The following SDCCAG8 variants were observed in gnomAD, a reference collection of about 807,000 sequenced individuals.
SDCCAG8 encodes the protein SHH signaling and ciliogenesis regulator SDCCAG8, also known as serologically defined colon cancer antigen 8.
In SDCCAG8, 74 loss-of-function variants were observed where a neutral mutation model predicts 101.8. That is an observed-to-expected ratio of 0.73 (90% CI 0.60 to 0.88). The LOEUF (loss-of-function observed/expected upper bound fraction) is 0.88, where lower values mean the gene tolerates loss of function less well. Among genes scored for constraint, SDCCAG8 ranks in the 40% least tolerant of loss-of-function variants. The probability of loss-of-function intolerance (pLI) is 0.00; values close to 1 mark genes in which losing one functional copy is unlikely to be tolerated. For missense variants in SDCCAG8, 787 were observed against 822.6 expected, an observed-to-expected ratio of 0.96 and a Z score of 0.53; for synonymous variants, 281 against 292.9, an observed-to-expected ratio of 0.96 and a Z score of 0.41.
At chr1:243,436,608 C>A (rs1319152198) in intron 16 of SDCCAG8, among the ~76,000 whole-genome samples, 1 of 152,034 alleles carries the variant, frequency 6.6e-6, no homozygotes, top group Non-Finnish European at 1.5e-5. Context: ...TCTTTAGGAA[C>A]AGAAAAACAA....
At chr1:243,267,733 A>G in intron 1 of SDCCAG8, 1 of 800,228 alleles carries the variant, frequency 1.2e-6, no homozygotes, top group Admixed American at 1.7e-5. Flanking sequence ...GTAATTGTTC[A>G]AATCTTGGAT....
At chr1:243,372,631 C>G (rs911941147) in intron 12 of SDCCAG8, among the ~76,000 whole-genome samples, 1 of 151,718 alleles carries the variant, frequency 6.6e-6, no homozygotes, top group Non-Finnish European at 1.5e-5. Flanking sequence ...ATCTGAAATA[C>G]AGAATGCTTC....
intron 16 of SDCCAG8, among the ~76,000 whole-genome samples, chr1:243,473,314 C>T (rs950785983): frequency 6.6e-6 from 1 of 152,178 alleles, no homozygotes; most frequent in Non-Finnish European, 1.5e-5. Context: ...CTGTTTTTAT[C>T]AACATATTTT....
chr1:243,287,921 G>A (rs2069791899), intron 5 of SDCCAG8, among the ~76,000 whole-genome samples: 1 of 152,178 alleles, frequency 6.6e-6, no homozygotes, highest in East Asian at 1.9e-4. Flanking sequence ...ATGATGGTCA[G>A]AGCACACATG....
intron 16 of SDCCAG8, among the ~76,000 whole-genome samples, chr1:243,475,520 C>T (rs1467779213): frequency 1.3e-5 from 2 of 152,176 alleles, no homozygotes; most frequent in African/African-American, 2.4e-5. Flanking sequence ...ATAAGCAACA[C>T]TGACCCAGTC....
At chr1:243,417,938 A>T in intron 14 of SDCCAG8, 30 bp from the exon 15 acceptor site, 1 of 1,488,892 alleles carries the variant, frequency 6.7e-7, no homozygotes, top group South Asian at 1.1e-5. Context: ...TAAACATCTT[A>T]TGTTGGTGGG....
At chr1:243,379,659 G>A (rs768610563) in intron 13 of SDCCAG8, among the ~76,000 whole-genome samples, 2 of 152,094 alleles carry the variant, frequency 1.3e-5, no homozygotes, top group Non-Finnish European at 2.9e-5. Flanking sequence ...GTTTTATTAC[G>A]ATTTTGCAGT....
At chr1:243,351,725 T>C (rs931057579) in intron 12 of SDCCAG8, among the ~76,000 whole-genome samples, 1 of 152,198 alleles carries the variant, frequency 6.6e-6, no homozygotes, top group Admixed American at 6.5e-5. Context: ...ATGGGACAAG[T>C]AGGATTTATT....
intron 15 of SDCCAG8, among the ~76,000 whole-genome samples, chr1:243,423,748 A>T (rs569752537): frequency 5.3e-5 from 8 of 152,124 alleles, no homozygotes; most frequent in Admixed American, 1.3e-4. Flanking sequence ...AGATTTTTTT[A>T]AAAAAGCATG....
intron 13 of SDCCAG8, among the ~76,000 whole-genome samples, chr1:243,409,974 T>G (rs1166924952): frequency 6.6e-6 from 1 of 152,314 alleles, no homozygotes; most frequent in South Asian, 2.1e-4. Context: ...CTTATTAGGT[T>G]GGAGCAAAAG....
chr1:243,322,858 C>T (rs1332583724), intron 9 of SDCCAG8, among the ~76,000 whole-genome samples: 6 of 151,866 alleles, frequency 4.0e-5, no homozygotes, highest in African/African-American at 7.3e-5. Flanking sequence ...ACTTAATAGC[C>T]GGGCGCAGTG....
Position 243,321,618 on chromosome 1 carries a change from T to A in SDCCAG8, c.1068+4725T>A, listed in dbSNP as rs1573273298. Among the ~76,000 whole-genome samples, 4 of 152,330 alleles carry A rather than the reference T, an allele frequency of 2.6e-5. No homozygotes were observed. In the East Asian group the frequency reaches 7.7e-4, roughly 29 times the overall value. ...GTGTATATGTACCACATTTTCTTTATCCAATCTGCCATTTATGGGCACCTA... is the reference window on the plus strand; with the variant it reads ...GTGTATATGTACCACATTTTCTTTAACCAATCTGCCATTTATGGGCACCTA... On this transcript the variant is annotated intron_variant, in intron 9 of 17. Transcript: ENST00000366541.
At chr1:243,422,354 C>T (rs2081069727) in intron 15 of SDCCAG8, among the ~76,000 whole-genome samples, 1 of 152,082 alleles carries the variant, frequency 6.6e-6, no homozygotes, top group South Asian at 2.1e-4. Context: ...TAATCTGTCA[C>T]CAGGGTTGTG....
intron 12 of SDCCAG8, among the ~76,000 whole-genome samples, chr1:243,352,681 A>G (rs2076146246): frequency 1.3e-5 from 2 of 152,358 alleles, no homozygotes; most frequent in South Asian, 4.1e-4. Context: ...ATTTAAAAAA[A>G]TTTATTGTAT....
intron 4 of SDCCAG8, among the ~76,000 whole-genome samples, chr1:243,284,551 CT>C (rs1367078776): frequency 6.6e-6 from 1 of 152,180 alleles, no homozygotes; most frequent in African/African-American, 2.4e-5. Flanking sequence ...TCAGTCTCCC[CT>C]GCCCTTTAAG....
At chr1:243,372,926 CTA>C (rs1436073439) in intron 12 of SDCCAG8, among the ~76,000 whole-genome samples, 17 of 144,988 alleles carry the variant, frequency 1.2e-4, no homozygotes, top group Non-Finnish European at 2.6e-4. Context: ...ATATCTATAT[CTA>C]TATCTATATC....
In SDCCAG8 at chr1:243,441,035, C is replaced by G. The variant is rs59209836; in HGVS notation, c.1985+14477C>G. Among the ~76,000 whole-genome samples, 1,164 of 152,148 alleles carry G rather than the reference C, an allele frequency of 7.7e-3. 18 individuals carry two copies. Among genetic ancestry groups the G allele is most frequent in the African/African-American group, 0.027 (1,106 of 41,484 alleles). ...AATTTATTTTGTATATGAACATGGG[C>G]CAAACCATTTTCTCCTTCTTATCTA... On this transcript the variant is annotated intron_variant, in intron 16 of 17. Transcript: ENST00000366541.
At chr1:243,286,659 C>CAGG (rs1381222890) in intron 5 of SDCCAG8, among the ~76,000 whole-genome samples, 1 of 152,176 alleles carries the variant, frequency 6.6e-6, no homozygotes, top group Non-Finnish European at 1.5e-5. Flanking sequence ...GGTCTGAAAG[C>CAGG]AGGAAGTGTG....
rs2073545748 is a variant in SDCCAG8 at position 243,319,293 on chromosome 1, A to G, written c.1068+2400A>G. On this transcript the variant is annotated intron_variant, in intron 9 of 17. Coordinates refer to ENST00000366541, the MANE Select transcript of SDCCAG8 (RefSeq NM_006642.5). The stretch of plus-strand genomic sequence containing the variant: ...CCATATCACACTCCTCTTTGAAATC[A>G]GTGTTGTCTCTCTCCTCCCTAATCA... Among the ~76,000 whole-genome samples the G allele has an allele frequency of 2.0e-5, 3 of 152,192 alleles. No individual in the cohort carries two copies. The South Asian group carries it at 6.2e-4, about 32-fold the overall frequency.
Sources: gnomAD v4.1 joint callset for allele counts (sites outside exome capture counted in the v4.1 genomes callset) on GRCh38, gnomAD v4.1.1 for gene constraint, MANE v1.5 for transcripts, NCBI Gene and HGNC (gene_info 2026-07-23, HGNC 2026-07-21) for gene names.